Variants in TENM2 observed in about 807,000 individuals in gnomAD.
TENM2 encodes the protein teneurin transmembrane protein 2.
Under a neutral mutation model 245.2 loss-of-function variants are expected in TENM2, and 52 were observed. That is an observed-to-expected ratio of 0.21 (90% CI 0.17 to 0.27). TENM2 has a LOEUF of 0.27. Ranked by LOEUF, TENM2 falls within the 10% of genes least tolerant of loss-of-function variation. The probability of loss-of-function intolerance (pLI) is 1.00; values close to 1 mark genes in which losing one functional copy is unlikely to be tolerated. For missense variants in TENM2, 3,046 were observed against 3,666.8 expected (o/e 0.83, Z 4.37); for synonymous variants, 1,363 against 1,438.9 (o/e 0.95, Z 1.19).
the TENM2 span, among the ~76,000 whole-genome samples, chr5:167,279,495 TCTTTCTTTCCTTCCTTC>T: frequency 1.3e-4 from 19 of 142,508 alleles, no homozygotes; most frequent in African/African-American, 4.3e-4. Context: ...TCTTTCTTTC[TCTTTCTTTCCTTCCTTC>T]CTTTCCTTCC....
chr5:167,419,154 T>TAGATAGATAGAA lies in TENM2; in HGVS notation c.502+43686_502+43687insGATAGAAAGATA, dbSNP rs1763343325. Among the ~76,000 whole-genome samples, 4 of 152,196 alleles carry TAGATAGATAGAA rather than the reference T, an allele frequency of 2.6e-5. No homozygotes were observed. The East Asian group carries it at 5.8e-4, about 22-fold the overall frequency. ...GTAGATAGATAGATAGATAGATAGA[T>TAGATAGATAGAA]AGATAATTATTTAAATATGTTGGTA... On this transcript the variant is annotated intron_variant, in intron 2 of 28. Transcript: ENST00000518659.
chr5:167,016,281 CAAAAAA>C, the TENM2 span, among the ~76,000 whole-genome samples: 2 of 78,860 alleles, frequency 2.5e-5, no homozygotes, highest in South Asian at 9.7e-4. Context: ...AACAAACAAA[CAAAAAA>C]AAAAAAAAAA....
chr5:168,255,358 G>A (rs1482851269), intron 27 of TENM2, among the ~76,000 whole-genome samples: 1 of 152,018 alleles, frequency 6.6e-6, no homozygotes, highest in Non-Finnish European at 1.5e-5. Flanking sequence ...CTGGAGTGCA[G>A]TGGCACGGTC....
chr5:167,221,680 A>G, the TENM2 span, among the ~76,000 whole-genome samples: 1 of 152,260 alleles, frequency 6.6e-6, no homozygotes, highest in African/African-American at 2.4e-5. Flanking sequence ...ATTGAAATAT[A>G]GTAAAACACT....
the TENM2 span, among the ~76,000 whole-genome samples, chr5:167,066,163 G>A: frequency 6.6e-6 from 1 of 152,232 alleles, no homozygotes; most frequent in East Asian, 1.9e-4. Context: ...GGGATATTGT[G>A]GGTGATAATT....
At chr5:167,922,164 C>T (rs1777422031) in intron 3 of TENM2, among the ~76,000 whole-genome samples, 1 of 152,190 alleles carries the variant, frequency 6.6e-6, no homozygotes. Context: ...TTGAAATCCC[C>T]AGCTAGAAAC....
chr5:167,806,624 A>C (rs997011688), intron 2 of TENM2, among the ~76,000 whole-genome samples: 11 of 152,132 alleles, frequency 7.2e-5, no homozygotes, highest in Non-Finnish European at 1.0e-4. Flanking sequence ...CTACAGAGTC[A>C]GGGAAATCCA....
chr5:168,070,600 G>A (rs1240601996), intron 7 of TENM2, among the ~76,000 whole-genome samples: 2 of 145,646 alleles, frequency 1.4e-5, no homozygotes, highest in Admixed American at 7.0e-5. Flanking sequence ...GGACAGCAAA[G>A]TGAGACTTCA....
intron 2 of TENM2, among the ~76,000 whole-genome samples, chr5:167,656,999 C>G (rs1754886603): frequency 6.7e-6 from 1 of 148,676 alleles, no homozygotes; most frequent in African/African-American, 2.5e-5. Context: ...CTATTTGAAG[C>G]TATATACTAT....
At chr5:167,989,435 A>G (rs1580982107) in intron 4 of TENM2, among the ~76,000 whole-genome samples, 1 of 152,288 alleles carries the variant, frequency 6.6e-6, no homozygotes, top group South Asian at 2.1e-4. Context: ...ATTTGATTCA[A>G]TTGAACGGGC....
chr5:167,288,784 G>C (rs76760523), intron 1 of TENM2, among the ~76,000 whole-genome samples: 1 of 152,130 alleles, frequency 6.6e-6, no homozygotes, highest in Non-Finnish European at 1.5e-5. Flanking sequence ...CCGGAGATAG[G>C]CTTCAAACCT....
At chr5:167,075,123 C>G in the TENM2 span, among the ~76,000 whole-genome samples, 1 of 152,066 alleles carries the variant, frequency 6.6e-6, no homozygotes, top group African/African-American at 2.4e-5. Context: ...GTGAAACAGA[C>G]CCAAGACTCT....
At chr5:168,071,493 C>T (rs1791010322) in intron 7 of TENM2, among the ~76,000 whole-genome samples, 2 of 152,134 alleles carry the variant, frequency 1.3e-5, no homozygotes, top group South Asian at 4.1e-4. Context: ...AACACAGGAT[C>T]ATACCACACA....
the TENM2 span, among the ~76,000 whole-genome samples, chr5:167,273,621 T>A: frequency 6.6e-6 from 1 of 152,284 alleles, no homozygotes; most frequent in Admixed American, 6.5e-5. Flanking sequence ...TGGTTGCTTA[T>A]ATTGTAACTA....
chr5:168,003,182 C>T (rs1359122398), intron 5 of TENM2, among the ~76,000 whole-genome samples: 2 of 152,040 alleles, frequency 1.3e-5, no homozygotes, highest in Non-Finnish European at 2.9e-5. Context: ...TGGATATGTA[C>T]AAGGGTCTAA....
chr5:167,453,826 C>T (rs1765749672), intron 2 of TENM2, among the ~76,000 whole-genome samples: 1 of 152,148 alleles, frequency 6.6e-6, no homozygotes, highest in African/African-American at 2.4e-5. Context: ...TTTTGGCATG[C>T]AGGAATTCAG....
intron 2 of TENM2, among the ~76,000 whole-genome samples, chr5:167,494,488 T>C (rs763062392): frequency 6.6e-6 from 1 of 152,088 alleles, no homozygotes; most frequent in Non-Finnish European, 1.5e-5. Context: ...ATGCGTGATA[T>C]TATAGAATTG....
intron 2 of TENM2, among the ~76,000 whole-genome samples, chr5:167,843,488 C>T (rs1329006062): frequency 6.6e-6 from 1 of 152,038 alleles, no homozygotes; most frequent in African/African-American, 2.4e-5. Flanking sequence ...TATACTTGTC[C>T]AACTGTATTT....
chr5:167,254,585 T>C, the TENM2 span, among the ~76,000 whole-genome samples: 1 of 152,106 alleles, frequency 6.6e-6, no homozygotes, highest in African/African-American at 2.4e-5. Context: ...GTGCTCTTCT[T>C]CTCATGGAGC....
Sources: allele counts gnomAD v4.1 joint callset (sites outside exome capture counted in the v4.1 genomes callset), GRCh38; gene constraint gnomAD v4.1.1; transcripts MANE v1.5; gene names NCBI Gene and HGNC (gene_info 2026-07-23, HGNC 2026-07-21).